SGCD: variants seen among roughly 807,000 people sequenced by gnomAD.
The protein encoded by SGCD is delta-sarcoglycan.
SGCD carries 18 observed loss-of-function variants against 36.6 expected under a neutral mutation model. That is an observed-to-expected ratio of 0.49 (90% CI 0.34 to 0.73). The LOEUF (loss-of-function observed/expected upper bound fraction) is 0.73. Among genes scored for constraint, SGCD ranks in the 30% least tolerant of loss-of-function variants. The pLI is 0.01. For synonymous variants in SGCD, 133 were observed against 130.6 expected (o/e 1.02, Z -0.12); for missense variants, 387 against 346.7 (o/e 1.12, Z -0.92).
intron 1 of SGCD, among the ~76,000 whole-genome samples, chr5:156,025,988 A>G (rs1012389594): frequency 1.3e-5 from 2 of 152,266 alleles, no homozygotes; most frequent in Admixed American, 6.5e-5. Context: ...CCACAAGGTG[A>G]CATCATTATC....
chr5:155,922,734 G>C (rs2113377262), intron 1 of SGCD, among the ~76,000 whole-genome samples: 1 of 152,210 alleles, frequency 6.6e-6, no homozygotes, highest in African/African-American at 2.4e-5. Context: ...TCCCCCACTA[G>C]TGCATGTATT....
chr5:156,120,291 T>C (rs77970015), intron 2 of SGCD, among the ~76,000 whole-genome samples: 3,080 of 152,196 alleles, frequency 0.02, 43 homozygotes, highest in Non-Finnish European at 0.035. Context: ...GAAATGAGTG[T>C]TGTTCCCAAG....
chr5:156,692,285 C>A (rs1430716634), intron 7 of SGCD, among the ~76,000 whole-genome samples: 1 of 152,126 alleles, frequency 6.6e-6, no homozygotes, highest in African/African-American at 2.4e-5. Flanking sequence ...ACAGTAGTTG[C>A]CTGAAGTCCT....
chr5:155,942,905 T>C (rs937590620), intron 1 of SGCD, among the ~76,000 whole-genome samples: 7 of 152,200 alleles, frequency 4.6e-5, no homozygotes, highest in Non-Finnish European at 8.8e-5. Flanking sequence ...TAGAGTACAA[T>C]GTGTTCATAA....
chr5:156,352,517 A>C (rs933889490), intron 3 of SGCD, among the ~76,000 whole-genome samples: 9 of 152,230 alleles, frequency 5.9e-5, no homozygotes, highest in African/African-American at 1.7e-4. Flanking sequence ...AATGGATATC[A>C]AGTATCTGAT....
At chr5:156,515,712 A>T (rs1757129559) in intron 4 of SGCD, among the ~76,000 whole-genome samples, 1 of 152,238 alleles carries the variant, frequency 6.6e-6, no homozygotes, top group African/African-American at 2.4e-5. Context: ...AGAGCTGTGC[A>T]GACTCTCAGC....
intron 1 of SGCD, among the ~76,000 whole-genome samples, chr5:155,922,725 C>T (rs1756912631): frequency 6.6e-6 from 1 of 152,112 alleles, no homozygotes. Flanking sequence ...TATTTCCTCT[C>T]CCCCACTAGT....
chr5:155,846,285 C>T, the SGCD span, among the ~76,000 whole-genome samples: 1 of 152,216 alleles, frequency 6.6e-6, no homozygotes, highest in African/African-American at 2.4e-5. Context: ...TCCCTCTTGA[C>T]TTACTGCCCA....
intron 4 of SGCD, among the ~76,000 whole-genome samples, chr5:156,572,501 TTTG>T (rs1297200636): frequency 1.3e-5 from 2 of 152,172 alleles, no homozygotes; most frequent in African/African-American, 2.4e-5. Flanking sequence ...CGGGTTTCCA[TTTG>T]TTGTTGTTGT....
At chr5:156,012,943 T>TTA (rs1026579135) in intron 1 of SGCD, among the ~76,000 whole-genome samples, 2 of 149,504 alleles carry the variant, frequency 1.3e-5, no homozygotes, top group African/African-American at 4.9e-5. Flanking sequence ...AGCATTCCAT[T>TTA]TATATATATA....
intron 3 of SGCD, among the ~76,000 whole-genome samples, chr5:156,406,309 T>TCCAGC (rs1348001912): frequency 6.6e-6 from 1 of 152,102 alleles, no homozygotes; most frequent in Non-Finnish European, 1.5e-5. Flanking sequence ...CAGGAGAAGC[T>TCCAGC]CCAGCGTCTC....
intron 3 of SGCD, among the ~76,000 whole-genome samples, chr5:156,497,797 A>G (rs1334909369): frequency 6.6e-6 from 1 of 152,156 alleles, no homozygotes; most frequent in Admixed American, 6.6e-5. Context: ...TTACATGGCA[A>G]ATGACAAAAA....
chr5:155,779,121 C>T, the SGCD span, among the ~76,000 whole-genome samples: 1 of 152,222 alleles, frequency 6.6e-6, no homozygotes, highest in East Asian at 1.9e-4. Flanking sequence ...CCTGATAAAA[C>T]CAAATTGTCA....
At chr5:156,022,435 G>A (rs888632865) in intron 1 of SGCD, among the ~76,000 whole-genome samples, 1 of 152,178 alleles carries the variant, frequency 6.6e-6, no homozygotes, top group African/African-American at 2.4e-5. Context: ...ATGTTCAAAT[G>A]TGACTTCTAA....
chr5:156,698,484 A>G (rs1754402549), intron 7 of SGCD, among the ~76,000 whole-genome samples: 1 of 152,196 alleles, frequency 6.6e-6, no homozygotes, highest in Non-Finnish European at 1.5e-5. Flanking sequence ...GCTGGAAGGA[A>G]CCTCGGAGGC....
chr5:155,899,300 T>A (rs1756334283), intron 1 of SGCD, among the ~76,000 whole-genome samples: 1 of 152,152 alleles, frequency 6.6e-6, no homozygotes, highest in Non-Finnish European at 1.5e-5. Flanking sequence ...GAGAAATAAA[T>A]GATAAAATTT....
At chr5:156,453,149 G>C (rs564008432) in intron 3 of SGCD, among the ~76,000 whole-genome samples, 1 of 152,126 alleles carries the variant, frequency 6.6e-6, no homozygotes, top group Non-Finnish European at 1.5e-5. Context: ...ATGAAGGAAG[G>C]CTGAAGAAAC....
rs78826857 is a variant in SGCD, at chr5:156,554,876, G to T, written c.295-34355G>T. On this transcript the variant is annotated intron_variant, in intron 4 of 8. Coordinates refer to ENST00000337851, the MANE Select transcript of SGCD (RefSeq NM_000337.6). Reference sequence around the variant, plus strand: ...CTTTCAACAATATGTGAGGTTTCCAGTTTCTCCATGTCCTCACCAACACTT... The same window carrying T: ...CTTTCAACAATATGTGAGGTTTCCATTTTCTCCATGTCCTCACCAACACTT... Among the ~76,000 whole-genome samples, 705 of 152,120 alleles carry T rather than the reference G, an allele frequency of 4.6e-3. 1 individual carries two copies. Among genetic ancestry groups the T allele is most frequent in the Non-Finnish European group, 8.3e-3 (561 of 67,974 alleles).
intron 1 of SGCD, among the ~76,000 whole-genome samples, chr5:155,948,827 C>G (rs1433876492): frequency 1.3e-5 from 2 of 152,178 alleles, no homozygotes; most frequent in Non-Finnish European, 2.9e-5. Context: ...GTCTTATTCC[C>G]TATCATCTGT....
Sources: allele counts gnomAD v4.1 joint callset (sites outside exome capture counted in the v4.1 genomes callset), GRCh38; gene constraint gnomAD v4.1.1; transcripts MANE v1.5; gene names NCBI Gene and HGNC (gene_info 2026-07-23, HGNC 2026-07-21).